Variants in DIS3L2 observed in about 807,000 individuals in gnomAD.
DIS3L2 encodes DIS3 like 3'-5' exoribonuclease 2.
In DIS3L2, 34 loss-of-function variants were observed where a neutral mutation model predicts 97.5. That is an observed-to-expected ratio of 0.35 (90% confidence interval 0.27 to 0.46). DIS3L2 has a LOEUF of 0.46. DIS3L2 is among the 20% of genes least tolerant of loss of function. DIS3L2 has a pLI of 1.00. For missense variants in DIS3L2, 1,038 were observed against 1,146.0 expected, an observed-to-expected ratio of 0.91 and a Z score of 1.36; for synonymous variants, 435 against 445.2, an observed-to-expected ratio of 0.98 and a Z score of 0.29.
chr2:232,072,850 G>A (rs1422305831), intron 5 of DIS3L2, among the ~76,000 whole-genome samples: 1 of 150,668 alleles, frequency 6.6e-6, no homozygotes, highest in East Asian at 2.0e-4. Flanking sequence ...GGGAGGTTGA[G>A]GTGGGGTGGG....
At chr2:232,117,562 T>A (rs1697764923) in intron 6 of DIS3L2, among the ~76,000 whole-genome samples, 1 of 152,200 alleles carries the variant, frequency 6.6e-6, no homozygotes, top group Non-Finnish European at 1.5e-5. Flanking sequence ...CCTGCAGAAG[T>A]TCTCAGACCA....
At chr2:232,185,337 T>C (rs552949301) in intron 9 of DIS3L2, among the ~76,000 whole-genome samples, 11 of 152,352 alleles carry the variant, frequency 7.2e-5, no homozygotes, top group African/African-American at 2.4e-4. Flanking sequence ...AACACACTTA[T>C]AAATAATTCA....
At position 232,276,640 on chromosome 2, in the gene DIS3L2, A is replaced by G. The variant is rs1694148770; in HGVS notation, c.1659+13200A>G. On this transcript the variant is annotated intron_variant, in intron 13 of 20. Coordinates refer to ENST00000325385, the MANE Select transcript of DIS3L2 (RefSeq NM_152383.5). This position sits in a 1 kb window ranked among gnomAD's most constrained non-coding sequence, Gnocchi z 4.4. ...CTCCTGTTGCTACCAGCTTCCAGTC[A>G]ATGACTGTTTATTTGAACATCTCCT... Among the ~76,000 whole-genome samples, 1 of 152,176 alleles carries G rather than the reference A, an allele frequency of 6.6e-6. No homozygotes were observed. Among genetic ancestry groups the G allele is most frequent in the Non-Finnish European group, 1.5e-5 (1 of 68,032 alleles).
chr2:231,971,911 G>A (rs1188439666), intron 1 of DIS3L2, among the ~76,000 whole-genome samples: 2 of 149,224 alleles, frequency 1.3e-5, no homozygotes, highest in Admixed American at 1.3e-4. Context: ...GAGTGGCCAG[G>A]CACGGTGGCT....
chr2:232,335,472 C>T (rs1433360700), intron 19 of DIS3L2: 6 of 370,656 alleles, frequency 1.6e-5, no homozygotes, highest in South Asian at 8.2e-5. Flanking sequence ...CGCAGCGCTC[C>T]GCCGCCACAG....
intron 5 of DIS3L2, among the ~76,000 whole-genome samples, chr2:232,051,444 C>T (rs532003307): frequency 5.3e-5 from 8 of 152,198 alleles, no homozygotes; most frequent in East Asian, 1.9e-4. Context: ...TAAACTTTTA[C>T]GACTAGGAAG....
At chr2:231,982,049 A>AAT (rs1693279103) in intron 1 of DIS3L2, among the ~76,000 whole-genome samples, 1 of 151,254 alleles carries the variant, frequency 6.6e-6, no homozygotes, top group Non-Finnish European at 1.5e-5. Flanking sequence ...AAAAAAAAAA[A>AAT]AGAAATACTA....
At chr2:232,084,467 A>G (rs774884901) in intron 5 of DIS3L2, among the ~76,000 whole-genome samples, 26 of 152,194 alleles carry the variant, frequency 1.7e-4, no homozygotes, top group Non-Finnish European at 2.6e-4. Flanking sequence ...AAAGTTTCAG[A>G]TTTCAGACCA....
intron 7 of DIS3L2, among the ~76,000 whole-genome samples, chr2:232,135,203 C>T (rs371574235): frequency 2.6e-5 from 4 of 151,994 alleles, no homozygotes; most frequent in South Asian, 2.1e-4. Context: ...CCTGGATGGA[C>T]GTGGGAGGGC....
chr2:232,280,808 G>T (rs116514592), intron 13 of DIS3L2, among the ~76,000 whole-genome samples: 6 of 152,300 alleles, frequency 3.9e-5, no homozygotes, highest in Admixed American at 2.0e-4. Context: ...CTGTATCACC[G>T]CAAGAGAGAT....
intron 5 of DIS3L2, among the ~76,000 whole-genome samples, chr2:232,073,400 G>T (rs1036946129): frequency 6.6e-6 from 1 of 152,108 alleles, no homozygotes; most frequent in Non-Finnish European, 1.5e-5. Flanking sequence ...AGCCATTTCC[G>T]CGGAAAATGT....
chr2:232,343,331 G>T, intron 13 of DIS3L2: 1 of 1,552,714 alleles, frequency 6.4e-7, no homozygotes, highest in Non-Finnish European at 8.7e-7. Flanking sequence ...CAGGAGACAC[G>T]GAAAAGGGCC....
intron 11 of DIS3L2, among the ~76,000 whole-genome samples, chr2:232,244,315 G>A (rs1693186103): frequency 6.6e-6 from 1 of 152,158 alleles, no homozygotes; most frequent in Non-Finnish European, 1.5e-5. Flanking sequence ...AGTGTGGGGA[G>A]ACATGGGTGT....
At chr2:232,216,830 TCTCCCCTCCCCTCCCCTCCC>T (rs533291144) in intron 10 of DIS3L2, among the ~76,000 whole-genome samples, 1 of 134,104 alleles carries the variant, frequency 7.5e-6, no homozygotes, top group Non-Finnish European at 1.6e-5. Context: ...CCTCCTCTCC[TCTCCCCTCCCCTCCCCTCCC>T]CTCCCCTCTT....
chr2:232,221,101 CAAAA>C (rs373784144), intron 10 of DIS3L2, among the ~76,000 whole-genome samples: 1 of 97,600 alleles, frequency 1.0e-5, no homozygotes, highest in Admixed American at 1.2e-4. Flanking sequence ...GACTTCATCT[CAAAA>C]AAAAAAAAAA....
chr2:232,013,033 C>T (rs1247032530), intron 1 of DIS3L2, among the ~76,000 whole-genome samples: 1 of 152,212 alleles, frequency 6.6e-6, no homozygotes, highest in Non-Finnish European at 1.5e-5. Flanking sequence ...TTTACCAACT[C>T]CCAGTCTCCT....
intron 12 of DIS3L2, chr2:232,260,488 A>G (rs1041167804): frequency 6.6e-6 from 1 of 152,242 alleles, no homozygotes; most frequent in Non-Finnish European, 1.5e-5. Context: ...CAGCACACAC[A>G]TGCTTCCTGA....
chr2:232,084,043 G>A (rs1056419422), intron 5 of DIS3L2, among the ~76,000 whole-genome samples: 2 of 152,144 alleles, frequency 1.3e-5, no homozygotes, highest in Non-Finnish European at 2.9e-5. Context: ...GATGGTCAGG[G>A]GCAGATGTTC....
chr2:232,220,070 A>G (rs1692448450), intron 10 of DIS3L2, among the ~76,000 whole-genome samples: 1 of 152,026 alleles, frequency 6.6e-6, no homozygotes. Context: ...CCAAGAGTTC[A>G]AAACCAGCCT....
Sources: allele counts gnomAD v4.1 joint callset (sites outside exome capture counted in the v4.1 genomes callset), GRCh38; gene constraint gnomAD v4.1.1; non-coding constraint Gnocchi (gnomAD v3.1); transcripts MANE v1.5; gene names NCBI Gene and HGNC (gene_info 2026-07-23, HGNC 2026-07-21).